Variants in PSMD14 observed in about 807,000 individuals in gnomAD.
The protein encoded by PSMD14 is proteasome 26S subunit, non-ATPase 14, also known as ubiquitin C-terminal hydrolase PSMD14.
PSMD14 carries 7 observed loss-of-function variants against 41.2 expected under a neutral mutation model. That is an observed-to-expected ratio of 0.17 (90% CI 0.10 to 0.32). The LOEUF is 0.32. Among genes scored for constraint, PSMD14 ranks in the 10% least tolerant of loss-of-function variants. PSMD14 has a pLI of 1.00. For missense variants in PSMD14, 139 were observed against 375.6 expected (o/e 0.37, Z 5.21); for synonymous variants, 114 against 122.3 (o/e 0.93, Z 0.45).
rs1405259415 is a variant in PSMD14, at chr2:161,411,661, CAGT to C, written c.*264_*266del. On this transcript the variant is annotated 3_prime_UTR_variant, in exon 12 of 12. Transcript: ENST00000409682. The stretch of plus-strand genomic sequence containing the variant: ...GATCCCATTTAATATTTGAAAAAAT[CAGT>C]AGCACAAATATATTTTGATTGTCAC... 1 of 222,542 alleles carries C rather than the reference CAGT, an allele frequency of 4.5e-6. No homozygotes were observed. The highest frequency in any genetic ancestry group is 2.3e-5 in the African/African-American group (1 of 43,904). The allele number at this position is 222,542 out of a possible 1,614,324, so 13.8% of individuals were successfully genotyped here.
intron 3 of PSMD14, among the ~76,000 whole-genome samples, chr2:161,326,584 C>A (rs116572700): frequency 0.021 from 3,248 of 152,252 alleles, 59 homozygotes; most frequent in Non-Finnish European, 0.033. Context: ...AGCAGAGACT[C>A]CAACAGATGT....
chr2:161,324,633 C>CTT (rs553134295), intron 3 of PSMD14, among the ~76,000 whole-genome samples: 9 of 131,808 alleles, frequency 6.8e-5, no homozygotes, highest in East Asian at 2.2e-4. Context: ...TTCTTTCTTT[C>CTT]TTTTTTTTTT....
At position 161,308,579 on chromosome 2, in the gene PSMD14, G is replaced by C. The variant is rs1689049982; in HGVS notation, c.-163G>C. On this transcript the variant is annotated 5_prime_UTR_variant, in exon 1 of 12. Coordinates refer to ENST00000409682, the MANE Select transcript of PSMD14 (RefSeq NM_005805.6). ...GAGGCAAGACAAGGGTCCATATCGC[G>C]GCATCCGGCTCCCGCCCGTCTTCAG... 1 of 152,312 alleles carries C rather than the reference G, an allele frequency of 6.6e-6. No homozygotes were observed. The highest frequency in any genetic ancestry group is 2.4e-5 in the African/African-American group (1 of 41,456). 9.4% of individuals were successfully genotyped at this position (152,312 alleles called of 1,614,324 possible).
chr2:161,328,360 TA>T (rs1442278798), intron 3 of PSMD14, among the ~76,000 whole-genome samples: 5 of 152,120 alleles, frequency 3.3e-5, no homozygotes, highest in Non-Finnish European at 7.4e-5. Context: ...ACAAACATAG[TA>T]AGAGAAAAAT....
In PSMD14 at chr2:161,410,438, T is replaced by G. The variant is rs191810211; in HGVS notation, c.835-864T>G. On this transcript the variant is annotated intron_variant, in intron 11 of 11. Coordinates refer to ENST00000409682, the MANE Select transcript of PSMD14 (RefSeq NM_005805.6). ...AACAATAATCGTAAGAATATAATCA[T>G]TTAAATTATAATTTTTCTATTGTGT... Among the ~76,000 whole-genome samples, 336 of 152,174 alleles carry G rather than the reference T, an allele frequency of 2.2e-3. 1 individual carries two copies. The highest frequency in any genetic ancestry group is 7.5e-3 in the African/African-American group (312 of 41,562).
chr2:161,364,784 G>A (rs1301667058), intron 3 of PSMD14, among the ~76,000 whole-genome samples: 1 of 152,172 alleles, frequency 6.6e-6, no homozygotes. Flanking sequence ...GAAAGGGGCA[G>A]CAGTATCACT....
intron 3 of PSMD14, among the ~76,000 whole-genome samples, chr2:161,327,899 G>T (rs922375646): frequency 1.3e-5 from 2 of 148,362 alleles, no homozygotes; most frequent in East Asian, 4.0e-4. Flanking sequence ...CAAACCTGTG[G>T]AATTAAGTGT....
At chr2:161,326,077 ACCCAGGC>A (rs1204826437) in intron 3 of PSMD14, among the ~76,000 whole-genome samples, 5 of 152,262 alleles carry the variant, frequency 3.3e-5, no homozygotes, top group Middle Eastern at 3.4e-3. Flanking sequence ...TTGCTCTGTC[ACCCAGGC>A]TAGAGTGCAG....
chr2:161,390,703 T>G (rs1192240158), intron 8 of PSMD14, among the ~76,000 whole-genome samples: 2 of 152,270 alleles, frequency 1.3e-5, no homozygotes, highest in African/African-American at 4.8e-5. Context: ...TTAATGTGGG[T>G]AAAGAAACAG....
intron 7 of PSMD14, among the ~76,000 whole-genome samples, chr2:161,377,245 G>A (rs891687503): frequency 1.3e-5 from 2 of 151,888 alleles, no homozygotes; most frequent in African/African-American, 4.8e-5. Flanking sequence ...TCTTTGTCTA[G>A]TTTTCCAGGT....
intron 3 of PSMD14, among the ~76,000 whole-genome samples, chr2:161,330,084 T>C (rs954914872): frequency 3.4e-5 from 5 of 148,868 alleles, no homozygotes; most frequent in Non-Finnish European, 1.5e-5. Flanking sequence ...TATTTTGATA[T>C]GCAATTATGA....
intron 3 of PSMD14, among the ~76,000 whole-genome samples, chr2:161,362,310 GA>G (rs1441348682): frequency 1.3e-5 from 2 of 152,170 alleles, no homozygotes; most frequent in Non-Finnish European, 2.9e-5. Flanking sequence ...TACTATAAAA[GA>G]TAGAGCATAT....
intron 3 of PSMD14, among the ~76,000 whole-genome samples, chr2:161,350,778 T>C (rs975468291): frequency 6.6e-5 from 10 of 152,370 alleles, no homozygotes; most frequent in Admixed American, 2.6e-4. Flanking sequence ...TTTGGAGATT[T>C]TGGATATGGT....
intron 3 of PSMD14, among the ~76,000 whole-genome samples, chr2:161,358,920 C>T (rs547690792): frequency 1.3e-5 from 2 of 152,176 alleles, no homozygotes; most frequent in African/African-American, 2.4e-5. Flanking sequence ...GAAAACCCTT[C>T]GTATTTGAGA....
At chr2:161,399,878 CA>C (rs1252669954) in intron 10 of PSMD14, among the ~76,000 whole-genome samples, 1 of 152,054 alleles carries the variant, frequency 6.6e-6, no homozygotes, top group African/African-American at 2.4e-5. Context: ...TAAAATTTCA[CA>C]AAAACATACA....
rs181348510 is a variant in PSMD14 at position 161,320,927 on chromosome 2, T to C, written c.48+2054T>C. On this transcript the variant is annotated intron_variant, in intron 3 of 11. Coordinates refer to ENST00000409682, the MANE Select transcript of PSMD14 (RefSeq NM_005805.6). ...TTATAGTAGAGACTATGTTTCACCA[T>C]GTTGGCCATGCTGGTCTTGAACTCC... Among the ~76,000 whole-genome samples the C allele has an allele frequency of 4.1e-3, 627 of 152,162 alleles. 1 individual carries two copies. The highest frequency in any genetic ancestry group is 8.6e-3 in the Admixed American group (132 of 15,286).
At chr2:161,384,606 TA>T (rs1683611314) in intron 7 of PSMD14, 1 of 151,774 alleles carries the variant, frequency 6.6e-6, no homozygotes, top group African/African-American at 2.4e-5. Context: ...TCTATTGAGT[TA>T]AATTCCCTTA....
At chr2:161,393,182 G>A (rs1380483227) in intron 9 of PSMD14, among the ~76,000 whole-genome samples, 1 of 152,184 alleles carries the variant, frequency 6.6e-6, no homozygotes, top group Non-Finnish European at 1.5e-5. Flanking sequence ...GGAATATCCT[G>A]TTGCTCCTTG....
At chr2:161,399,225 C>T (rs1371270144) in intron 10 of PSMD14, among the ~76,000 whole-genome samples, 1 of 152,070 alleles carries the variant, frequency 6.6e-6, no homozygotes, top group African/African-American at 2.4e-5. Context: ...AAGCTGCTGT[C>T]AGGCTTCCCA....
Sources: allele counts gnomAD v4.1 joint callset (sites outside exome capture counted in the v4.1 genomes callset), GRCh38; gene constraint gnomAD v4.1.1; transcripts MANE v1.5; gene names NCBI Gene and HGNC (gene_info 2026-07-23, HGNC 2026-07-21).